GALM: variants seen among roughly 807,000 people sequenced by gnomAD.
GALM encodes aldose 1-epimerase.
A neutral mutation model predicts 37.4 loss-of-function variants in GALM; 43 were observed. The observed-to-expected ratio is 1.15, with a 90% confidence interval of 0.90 to 1.48. GALM has a LOEUF of 1.48. Ranked by LOEUF, GALM falls within the 40% of genes most tolerant of loss-of-function variation. GALM has a pLI of 0.00. For synonymous variants in GALM, 199 were observed against 170.6 expected, an observed-to-expected ratio of 1.17 and a Z score of -1.30; for missense variants, 456 against 419.1, an observed-to-expected ratio of 1.09 and a Z score of -0.77.
At chr2:38,708,571 C>T (rs1285042341) in intron 4 of GALM, among the ~76,000 whole-genome samples, 2 of 151,942 alleles carry the variant, frequency 1.3e-5, no homozygotes. Context: ...GAAACCCCAC[C>T]TCTACTAAAA....
chr2:38,732,919 TAA>T (rs11424376), intron 6 of GALM, among the ~76,000 whole-genome samples: 107 of 97,808 alleles, frequency 1.1e-3, no homozygotes, highest in Admixed American at 1.5e-3. Flanking sequence ...ACCCTGTCTT[TAA>T]AAAAAAAAAA....
At chr2:38,667,262 C>G (rs967135636) in intron 1 of GALM, among the ~76,000 whole-genome samples, 1 of 152,138 alleles carries the variant, frequency 6.6e-6, no homozygotes, top group Admixed American at 6.5e-5. Flanking sequence ...TAGACAAATT[C>G]TGCTGGAGAG....
At chr2:38,708,551 C>A (rs1286131488) in intron 4 of GALM, among the ~76,000 whole-genome samples, 5 of 151,970 alleles carry the variant, frequency 3.3e-5, no homozygotes, top group African/African-American at 1.2e-4. Flanking sequence ...ACCATCCCAG[C>A]TAACATGGTG....
Position 38,733,248 on chromosome 2 carries a change from T to A in GALM, c.952-240T>A, listed in dbSNP as rs534814849. 3.3e-5 allele frequency among the ~76,000 whole-genome samples: 5 copies of A among 149,554 alleles called. No individual in the cohort carries two copies. The South Asian group carries it at 1.1e-3, about 32-fold the overall frequency. On this transcript the variant is annotated intron_variant, in intron 6 of 6. Transcript: ENST00000272252. ...AAAAAAAAAAAAAAAGCCTACACCTTACACCAGATTATAGATCAACACACT... is the reference window on the plus strand; with the variant it reads ...AAAAAAAAAAAAAAAGCCTACACCTAACACCAGATTATAGATCAACACACT...
At chr2:38,700,650 A>T (rs1225260164) in intron 4 of GALM, among the ~76,000 whole-genome samples, 1 of 152,120 alleles carries the variant, frequency 6.6e-6, no homozygotes, top group Admixed American at 6.5e-5. Context: ...AGGCAACCGT[A>T]GTTGGGCCAT....
At chr2:38,685,660 T>C (rs550654246) in intron 3 of GALM, among the ~76,000 whole-genome samples, 1 of 152,340 alleles carries the variant, frequency 6.6e-6, no homozygotes, top group East Asian at 1.9e-4. Flanking sequence ...GAGTAGATCA[T>C]TGCGTTTTTC....
chr2:38,710,114 T>A (rs1230815060), intron 4 of GALM, among the ~76,000 whole-genome samples: 2 of 152,210 alleles, frequency 1.3e-5, no homozygotes, highest in African/African-American at 4.8e-5. Context: ...GATCTCCACA[T>A]CAGTGCTTGT....
chr2:38,710,220 C>G (rs1302904963), intron 4 of GALM, among the ~76,000 whole-genome samples: 1 of 152,202 alleles, frequency 6.6e-6, no homozygotes, highest in Non-Finnish European at 1.5e-5. Flanking sequence ...ATGTGTCTAA[C>G]AAGCCCCTGG....
At chr2:38,694,914 A>G (rs865849970) in intron 4 of GALM, among the ~76,000 whole-genome samples, 2,876 of 139,300 alleles carry the variant, frequency 0.021, 132 homozygotes, top group African/African-American at 0.084. Context: ...AAAAAAAAAC[A>G]AAAAAAGAAA....
At chr2:38,729,255 A>G (rs2148459378) in intron 4 of GALM, among the ~76,000 whole-genome samples, 1 of 151,858 alleles carries the variant, frequency 6.6e-6, no homozygotes, top group Non-Finnish European at 1.5e-5. Context: ...TGGTGCAATC[A>G]TGGTTCACTG....
chr2:38,725,807 G>A (rs1666474687), intron 4 of GALM, among the ~76,000 whole-genome samples: 1 of 151,976 alleles, frequency 6.6e-6, no homozygotes, highest in Non-Finnish European at 1.5e-5. Context: ...CATCTCCCGG[G>A]TTCAAGCGAT....
intron 3 of GALM, among the ~76,000 whole-genome samples, chr2:38,683,712 G>A (rs771243600): frequency 2.6e-5 from 4 of 151,992 alleles, no homozygotes; most frequent in South Asian, 2.1e-4. Flanking sequence ...GATTACAGGC[G>A]CCCACGACCA....
At chr2:38,724,144 C>A (rs1666438528) in intron 4 of GALM, among the ~76,000 whole-genome samples, 1 of 152,176 alleles carries the variant, frequency 6.6e-6, no homozygotes, top group Non-Finnish European at 1.5e-5. Flanking sequence ...GTCTTGAACT[C>A]CTGGCCTCAA....
chr2:38,727,620 G>C (rs538695802), intron 4 of GALM, among the ~76,000 whole-genome samples: 1 of 151,638 alleles, frequency 6.6e-6, no homozygotes, highest in African/African-American at 2.4e-5. Flanking sequence ...CCAGCTCCTC[G>C]GGAGGCTGAG....
intron 4 of GALM, among the ~76,000 whole-genome samples, chr2:38,711,233 C>T (rs1426953069): frequency 6.6e-6 from 1 of 150,698 alleles, no homozygotes; most frequent in East Asian, 2.0e-4. Context: ...GATCTCAGCT[C>T]ACTGCAACCT....
chr2:38,669,850 T>A (rs1462837121), intron 1 of GALM, among the ~76,000 whole-genome samples: 1 of 151,576 alleles, frequency 6.6e-6, no homozygotes, highest in Non-Finnish European at 1.5e-5. Context: ...TCCAGCCTGG[T>A]GACAAAGCAA....
chr2:38,689,600 T>C (rs1291948719), intron 3 of GALM, among the ~76,000 whole-genome samples: 2 of 152,222 alleles, frequency 1.3e-5, no homozygotes, highest in Non-Finnish European at 2.9e-5. Context: ...AGAAAATGCA[T>C]GCACACTTGA....
In GALM at chr2:38,672,031, A is replaced by G. The variant is rs72795173; in HGVS notation, c.191-3881A>G. On this transcript the variant is annotated intron_variant, in intron 1 of 6. Transcript: ENST00000272252. ...AAAAAAAACCCTGATAATTATGGGG[A>G]AAAAAAAAAACAACAAAAAAACCCT... Among the ~76,000 whole-genome samples the G allele has an allele frequency of 2.6e-3, 384 of 146,764 alleles. 1 individual carries two copies. The highest frequency in any genetic ancestry group is 4.2e-3 in the Non-Finnish European group (276 of 66,364).
At chr2:38,710,840 G>A (rs1227033555) in intron 4 of GALM, among the ~76,000 whole-genome samples, 19 of 148,190 alleles carry the variant, frequency 1.3e-4, no homozygotes, top group South Asian at 8.7e-4. Context: ...TGCAACCTCC[G>A]CCTCCTGGGT....
Sources: allele counts gnomAD v4.1 joint callset (sites outside exome capture counted in the v4.1 genomes callset), GRCh38; gene constraint gnomAD v4.1.1; transcripts MANE v1.5; gene names NCBI Gene and HGNC (gene_info 2026-07-23, HGNC 2026-07-21).